Variants in CERS6 observed in about 807,000 individuals in gnomAD.
The protein encoded by CERS6 is LAG1 homolog, ceramide synthase 6.
CERS6 carries 26 observed loss-of-function variants against 56.8 expected under a neutral mutation model. That is an observed-to-expected ratio of 0.46 (90% CI 0.34 to 0.63). The LOEUF (loss-of-function observed/expected upper bound fraction) is 0.63. Among genes scored for constraint, CERS6 ranks in the 30% least tolerant of loss-of-function variants. CERS6 has a pLI of 0.01. For missense variants in CERS6, 415 were observed against 467.5 expected (o/e 0.89, Z 1.04); for synonymous variants, 164 against 173.3 (o/e 0.95, Z 0.42).
intron 2 of CERS6, among the ~76,000 whole-genome samples, chr2:168,555,725 T>TG (rs1553491468): frequency 2.9e-5 from 1 of 34,436 alleles, no homozygotes; most frequent in Non-Finnish European, 1.8e-4. Flanking sequence ...ATTGACTCTG[T>TG]GTGTGTGTGT....
chr2:168,577,332 A>G (rs1418753022), intron 3 of CERS6, among the ~76,000 whole-genome samples: 1 of 152,162 alleles, frequency 6.6e-6, no homozygotes, highest in Non-Finnish European at 1.5e-5. Context: ...GCAACATGCA[A>G]GTCATTCGGT....
At chr2:168,526,263 A>G (rs879829694) in intron 1 of CERS6, among the ~76,000 whole-genome samples, 3 of 152,088 alleles carry the variant, frequency 2.0e-5, no homozygotes, top group Admixed American at 2.0e-4. Context: ...GTTAGCTTCA[A>G]AGTTTGCTCT....
At chr2:168,546,088 C>T (rs558986201) in intron 1 of CERS6, among the ~76,000 whole-genome samples, 10 of 152,282 alleles carry the variant, frequency 6.6e-5, no homozygotes, top group African/African-American at 2.4e-4. Flanking sequence ...GAAACCTTGT[C>T]AAGGAAACAA....
chr2:168,485,195 A>C (rs532133774), intron 1 of CERS6, among the ~76,000 whole-genome samples: 90 of 151,856 alleles, frequency 5.9e-4, no homozygotes, highest in Non-Finnish European at 9.3e-4. Context: ...AAGAGTTAAT[A>C]GATTATTGTT....
At position 168,524,573 on chromosome 2, in the gene CERS6, C is replaced by T. The variant is rs369646819; in HGVS notation, c.171-23023C>T. Among the ~76,000 whole-genome samples the T allele has an allele frequency of 3.3e-5, 5 of 152,140 alleles. No individual in the cohort carries two copies. The East Asian group carries it at 9.7e-4, about 29-fold the overall frequency. ...ATTTGTGGAAAGAAAATCCGTGTAA[C>T]GAAATGATAAACAATAATATTATTG... On this transcript the variant is annotated intron_variant, in intron 1 of 9. Coordinates refer to ENST00000305747, the MANE Select transcript of CERS6 (RefSeq NM_203463.3).
intron 8 of CERS6, among the ~76,000 whole-genome samples, chr2:168,756,753 G>A (rs1684425944): frequency 6.6e-6 from 1 of 152,180 alleles, no homozygotes; most frequent in African/African-American, 2.4e-5. Context: ...GGATGGGAGA[G>A]CCTGACAGCC....
intron 4 of CERS6, among the ~76,000 whole-genome samples, chr2:168,639,127 T>C (rs1297344914): frequency 6.6e-6 from 1 of 152,180 alleles, no homozygotes; most frequent in Non-Finnish European, 1.5e-5. Context: ...CCTGAAGGCA[T>C]AGACTTCTAC....
chr2:168,629,829 T>TAA (rs1684670554), intron 3 of CERS6, among the ~76,000 whole-genome samples: 1 of 152,096 alleles, frequency 6.6e-6, no homozygotes, highest in African/African-American at 2.4e-5. Flanking sequence ...TTTTCTTTTT[T>TAA]TTTTGAGATG....
intron 8 of CERS6, among the ~76,000 whole-genome samples, chr2:168,757,261 T>C (rs529739477): frequency 6.6e-6 from 1 of 151,760 alleles, no homozygotes; most frequent in East Asian, 1.9e-4. Context: ...AGGACTCAGA[T>C]TGGGAGGTCA....
chr2:168,570,775 C>G (rs1695971178), intron 3 of CERS6, among the ~76,000 whole-genome samples: 1 of 152,024 alleles, frequency 6.6e-6, no homozygotes, highest in Non-Finnish European at 1.5e-5. Context: ...TTGCCAAGCC[C>G]CAGATTTTTC....
At chr2:168,614,492 T>C (rs1356774599) in intron 3 of CERS6, among the ~76,000 whole-genome samples, 2 of 152,204 alleles carry the variant, frequency 1.3e-5, no homozygotes, top group African/African-American at 4.8e-5. Flanking sequence ...CAGCCCTGCT[T>C]GCCCACTGCC....
intron 4 of CERS6, among the ~76,000 whole-genome samples, chr2:168,654,973 G>A (rs1231961587): frequency 2.0e-5 from 3 of 152,112 alleles, no homozygotes; most frequent in African/African-American, 7.2e-5. Flanking sequence ...TAGTTGCTAG[G>A]CCAGTAGAGT....
chr2:168,679,397 A>G (rs56319357), intron 4 of CERS6, among the ~76,000 whole-genome samples: 39,509 of 152,186 alleles, frequency 0.26, 6,304 homozygotes, highest in Middle Eastern at 0.43. Flanking sequence ...TCATTATCCA[A>G]TATCTACACG....
chr2:168,470,999 T>TAGG (rs1693967458), intron 1 of CERS6, among the ~76,000 whole-genome samples: 1 of 122,890 alleles, frequency 8.1e-6, no homozygotes, highest in African/African-American at 3.4e-5. Context: ...TCTCTAAGCT[T>TAGG]TAAACAGGCT....
At chr2:168,596,082 C>CAG (rs1553497310) in intron 3 of CERS6, among the ~76,000 whole-genome samples, 3 of 138,898 alleles carry the variant, frequency 2.2e-5, no homozygotes, top group Non-Finnish European at 4.6e-5. Flanking sequence ...GACCCTGTCT[C>CAG]AAAAAAAAAA....
intron 1 of CERS6, among the ~76,000 whole-genome samples, chr2:168,491,771 CT>C (rs1160028154): frequency 6.6e-6 from 1 of 151,974 alleles, no homozygotes; most frequent in African/African-American, 2.4e-5. Context: ...ATCGCCTCCC[CT>C]AGCCCCTCAC....
At chr2:168,541,633 AT>A (rs1216937070) in intron 1 of CERS6, among the ~76,000 whole-genome samples, 1 of 152,032 alleles carries the variant, frequency 6.6e-6, no homozygotes, top group Non-Finnish European at 1.5e-5. Flanking sequence ...GAGATGGTGG[AT>A]TTTTTTACAT....
chr2:168,773,314 G>A lies in CERS6; in HGVS notation c.*3652G>A, dbSNP rs906100930. ...AAGATTGTTTAACAGTATGTGTGGT[G>A]ATGTCATTATCTCCAGAGAGGCTTC... On this transcript the variant is annotated 3_prime_UTR_variant, in exon 10 of 10. Coordinates refer to ENST00000305747, the MANE Select transcript of CERS6 (RefSeq NM_203463.3). The A allele has an allele frequency of 6.6e-6, 1 of 152,192 alleles. No homozygotes were observed. The highest frequency in any genetic ancestry group is 2.1e-4 in the South Asian group (1 of 4,834). The allele number at this position is 152,192 out of a possible 1,614,324, so 9.4% of individuals were successfully genotyped here.
At chr2:168,562,336 A>C (rs1056504056) in intron 3 of CERS6, among the ~76,000 whole-genome samples, 2 of 152,212 alleles carry the variant, frequency 1.3e-5, no homozygotes, top group African/African-American at 4.8e-5. Flanking sequence ...GACACAAAGT[A>C]TAGAGAAACA....
Sources: gnomAD v4.1 joint callset for allele counts (sites outside exome capture counted in the v4.1 genomes callset) on GRCh38, gnomAD v4.1.1 for gene constraint, MANE v1.5 for transcripts, NCBI Gene and HGNC (gene_info 2026-07-23, HGNC 2026-07-21) for gene names.